The following RBM6 variants were observed in gnomAD, a reference collection of about 807,000 sequenced individuals.
RBM6 encodes the protein RNA-binding protein 6.
RBM6 carries 23 observed loss-of-function variants against 140.4 expected under a neutral mutation model. That is an observed-to-expected ratio of 0.16 (90% CI 0.12 to 0.23). RBM6 has a LOEUF of 0.23. Among genes scored for constraint, RBM6 ranks in the 10% least tolerant of loss-of-function variants. The pLI, the probability that RBM6 is intolerant of heterozygous loss-of-function variation, is 1.00. For missense variants in RBM6, 1,139 were observed against 1,386.7 expected (o/e 0.82, Z 2.84); for synonymous variants, 439 against 475.6 (o/e 0.92, Z 1.00).
At chr3:50,068,830 A>C (rs1298897319) in intron 18 of RBM6, 66 bp downstream of exon 18, 1 of 1,418,846 alleles carries the variant, frequency 7.0e-7, no homozygotes, top group Non-Finnish European at 9.9e-7. Context: ...TAGACTTCAT[A>C]GGCTGTGCTG....
chr3:50,018,569 T>C (rs2087296471), intron 6 of RBM6, among the ~76,000 whole-genome samples: 1 of 149,388 alleles, frequency 6.7e-6, no homozygotes, highest in South Asian at 2.1e-4. Context: ...CTGGATCGTA[T>C]GGTAGGAGTG....
chr3:49,989,756 T>C (rs1303111554), intron 5 of RBM6, among the ~76,000 whole-genome samples: 3 of 152,120 alleles, frequency 2.0e-5, no homozygotes, highest in African/African-American at 7.2e-5. Context: ...TATTTATTTA[T>C]TTTGATACAG....
intron 1 of RBM6, among the ~76,000 whole-genome samples, chr3:49,945,881 C>CAAAAAAAA (rs67271820): frequency 1.1e-4 from 7 of 61,910 alleles, no homozygotes; most frequent in Admixed American, 1.9e-4. Context: ...GACTCCATCT[C>CAAAAAAAA]AAAAAAAAAA....
At chr3:49,963,390 T>A (rs779180170) in intron 2 of RBM6, among the ~76,000 whole-genome samples, 9 of 152,118 alleles carry the variant, frequency 5.9e-5, no homozygotes, top group Non-Finnish European at 1.2e-4. Context: ...CGTGCCACTA[T>A]GCCTGGCTAA....
chr3:50,007,884 C>T (rs900551474), intron 6 of RBM6, among the ~76,000 whole-genome samples: 5 of 152,214 alleles, frequency 3.3e-5, no homozygotes, highest in Non-Finnish European at 5.9e-5. Flanking sequence ...GACAGTACCA[C>T]ATGGAGTATG....
In RBM6 at chr3:50,018,601, T is replaced by G. The variant is rs1022459445; in HGVS notation, c.1557+19088T>G. ...AGTGTGTTTTTTTTTTTTTTTTTTT[T>G]TTTTTTTTTTGACACGGAGCCTTGC... On this transcript the variant is annotated intron_variant, in intron 6 of 20. Coordinates refer to ENST00000266022, the MANE Select transcript of RBM6 (RefSeq NM_005777.3). Among the ~76,000 whole-genome samples the G allele has an allele frequency of 3.4e-3, 479 of 139,150 alleles. 3 individuals carry two copies. The highest frequency in any genetic ancestry group is 0.012 in the African/African-American group (455 of 37,144). 91.3% of individuals were successfully genotyped at this position (139,150 alleles called of 152,430 possible).
chr3:49,941,370 AT>A (rs1411698679), intron 1 of RBM6, among the ~76,000 whole-genome samples: 4 of 152,066 alleles, frequency 2.6e-5, no homozygotes, highest in Admixed American at 2.6e-4. Context: ...ATAGAATTCT[AT>A]TACCAGGCCG....
chr3:50,023,871 C>T (rs373965972), intron 6 of RBM6, among the ~76,000 whole-genome samples: 35 of 152,140 alleles, frequency 2.3e-4, no homozygotes, highest in Admixed American at 4.6e-4. Context: ...TGGTCTTGAA[C>T]TCCTGACTTC....
At chr3:50,042,201 T>TGAG in intron 6 of RBM6, among the ~76,000 whole-genome samples, 1 of 152,204 alleles carries the variant, frequency 6.6e-6, no homozygotes, top group East Asian at 1.9e-4. Context: ...CACAAAACAA[T>TGAG]GAAGAGTAAT....
chr3:49,979,263 G>T (rs1423522183), intron 5 of RBM6, among the ~76,000 whole-genome samples: 1 of 152,090 alleles, frequency 6.6e-6, no homozygotes, highest in Non-Finnish European at 1.5e-5. Context: ...GTTGCCAGGG[G>T]CTAAGCGGGA....
intron 1 of RBM6, among the ~76,000 whole-genome samples, chr3:49,947,991 G>T (rs1224549205): frequency 6.6e-6 from 1 of 152,212 alleles, no homozygotes; most frequent in Non-Finnish European, 1.5e-5. Context: ...CTACTCGGGA[G>T]GCTGAGGCAG....
At chr3:50,061,866 G>T in intron 14 of RBM6, 96 bp from the exon 15 acceptor site, 1 of 1,467,536 alleles carries the variant, frequency 6.8e-7, no homozygotes, top group Non-Finnish European at 9.1e-7. Flanking sequence ...TAAAAAAGTT[G>T]TTTCTTCCCC....
chr3:50,000,820 T>C (rs2086292336), intron 6 of RBM6, among the ~76,000 whole-genome samples: 1 of 152,216 alleles, frequency 6.6e-6, no homozygotes, highest in African/African-American at 2.4e-5. Context: ...TTTGTTTAAC[T>C]CAGTGTGGCT....
At chr3:50,011,041 A>G (rs893930455) in intron 6 of RBM6, among the ~76,000 whole-genome samples, 2 of 151,662 alleles carry the variant, frequency 1.3e-5, no homozygotes, top group African/African-American at 4.8e-5. Context: ...TCAGTTTGTC[A>G]GGAAGTTAGA....
intron 5 of RBM6, among the ~76,000 whole-genome samples, 187 bp downstream of exon 5, chr3:49,975,579 A>G (rs894435690): frequency 3.3e-5 from 5 of 152,236 alleles, no homozygotes; most frequent in Non-Finnish European, 5.9e-5. Context: ...TTGTCCACAC[A>G]TGGGTGATGA....
chr3:49,978,678 A>G (rs1435476199), intron 5 of RBM6, among the ~76,000 whole-genome samples: 2 of 152,210 alleles, frequency 1.3e-5, no homozygotes, highest in Non-Finnish European at 2.9e-5. Flanking sequence ...CTTACGCTGC[A>G]AAATTATTAA....
At position 50,037,117 on chromosome 3, in the gene RBM6, T is replaced by C. The variant is rs1222760072; in HGVS notation, c.1558-11128T>C. ...ATAGCTTTCTGCCTAAGAAGAGAAT[T>C]GGCTGGGCATGATGGCTAACACCTG... is the stretch of plus-strand genomic sequence containing the variant. On this transcript the variant is annotated intron_variant, in intron 6 of 20. Transcript: ENST00000266022. Among the ~76,000 whole-genome samples the C allele has an allele frequency of 2.0e-5, 3 of 152,104 alleles. No homozygotes were observed. In the East Asian group the frequency reaches 5.8e-4, roughly 29 times the overall value.
chr3:50,012,388 C>G (rs966395036), intron 6 of RBM6, among the ~76,000 whole-genome samples: 1 of 150,960 alleles, frequency 6.6e-6, no homozygotes, highest in Non-Finnish European at 1.5e-5. Context: ...GATAGAGCCT[C>G]ACTCTGTCGC....
At chr3:50,029,050 T>C (rs1166677879) in intron 6 of RBM6, among the ~76,000 whole-genome samples, 1 of 152,250 alleles carries the variant, frequency 6.6e-6, no homozygotes, top group Non-Finnish European at 1.5e-5. Context: ...TCTGTCTGAT[T>C]CTTGTTCTTT....
Sources: allele counts gnomAD v4.1 joint callset (sites outside exome capture counted in the v4.1 genomes callset), GRCh38; gene constraint gnomAD v4.1.1; transcripts MANE v1.5; gene names NCBI Gene and HGNC (gene_info 2026-07-23, HGNC 2026-07-21).